NXPH1: variants seen among roughly 807,000 people sequenced by gnomAD.
NXPH1 encodes neurexophilin-1.
Under a neutral mutation model 23.7 loss-of-function variants are expected in NXPH1, and 5 were observed. The observed-to-expected ratio is 0.21, with a 90% confidence interval of 0.11 to 0.44. NXPH1 has a LOEUF of 0.44. Among genes scored for constraint, NXPH1 ranks in the 20% least tolerant of loss-of-function variants. The pLI, the probability that NXPH1 is intolerant of heterozygous loss-of-function variation, is 0.99. For missense variants in NXPH1, 324 were observed against 321.6 expected (o/e 1.01, Z -0.06); for synonymous variants, 144 against 122.2 (o/e 1.18, Z -1.18).
chr7:8,682,545 G>C (rs989191758), intron 2 of NXPH1, among the ~76,000 whole-genome samples: 1 of 152,102 alleles, frequency 6.6e-6, no homozygotes, highest in Non-Finnish European at 1.5e-5. Context: ...ACAAATAAGA[G>C]GCAAGACTTT....
chr7:8,714,391 G>T (rs1025569233), intron 2 of NXPH1, among the ~76,000 whole-genome samples: 3 of 151,998 alleles, frequency 2.0e-5, no homozygotes, highest in African/African-American at 7.2e-5. Flanking sequence ...AAGAGCCAAG[G>T]CCTGGAACTG....
chr7:8,562,641 C>T (rs1301032041), intron 2 of NXPH1, among the ~76,000 whole-genome samples: 1 of 151,232 alleles, frequency 6.6e-6, no homozygotes, highest in Admixed American at 6.6e-5. Context: ...TAAAATAAAT[C>T]TAAAAATAAA....
At chr7:8,546,908 C>A (rs1476596086) in intron 2 of NXPH1, among the ~76,000 whole-genome samples, 1 of 151,422 alleles carries the variant, frequency 6.6e-6, no homozygotes, top group Non-Finnish European at 1.5e-5. Context: ...CTCTTTGACC[C>A]TCAAATACTT....
At chr7:8,542,103 C>T (rs1323320835) in intron 2 of NXPH1, among the ~76,000 whole-genome samples, 1 of 150,944 alleles carries the variant, frequency 6.6e-6, no homozygotes, top group East Asian at 1.9e-4. Context: ...CTATATGTGG[C>T]TTGGGAGAAA....
chr7:8,586,817 G>C (rs757891074), intron 2 of NXPH1, among the ~76,000 whole-genome samples: 2 of 151,954 alleles, frequency 1.3e-5, no homozygotes, highest in Non-Finnish European at 2.9e-5. Context: ...TGATAATGTG[G>C]AGTAAGGTAT....
chr7:8,635,710 C>T (rs966095273), intron 2 of NXPH1, among the ~76,000 whole-genome samples: 8 of 152,204 alleles, frequency 5.3e-5, no homozygotes, highest in African/African-American at 1.4e-4. Context: ...CTATAGAAAT[C>T]GTATTTTATT....
chr7:8,662,899 T>C (rs989734434), intron 2 of NXPH1, among the ~76,000 whole-genome samples: 8 of 151,148 alleles, frequency 5.3e-5, no homozygotes, highest in African/African-American at 2.0e-4. Context: ...AGGTTATGCA[T>C]TTTTTAACAA....
chr7:8,543,263 C>T (rs796266822), intron 2 of NXPH1, among the ~76,000 whole-genome samples: 24 of 151,706 alleles, frequency 1.6e-4, no homozygotes, highest in African/African-American at 5.8e-4. Context: ...TATATTAATA[C>T]CTTTTCCTTC....
At chr7:8,642,506 C>G (rs568094663) in intron 2 of NXPH1, among the ~76,000 whole-genome samples, 2 of 152,024 alleles carry the variant, frequency 1.3e-5, no homozygotes, top group East Asian at 3.9e-4. Context: ...TAAGCAGTTC[C>G]CTCTGAGATT....
At chr7:8,575,227 G>C (rs1818729404) in intron 2 of NXPH1, among the ~76,000 whole-genome samples, 1 of 152,106 alleles carries the variant, frequency 6.6e-6, no homozygotes, top group African/African-American at 2.4e-5. Context: ...AATCAGGTCA[G>C]TTCTCTTTAT....
chr7:8,722,266 A>T (rs997334476), intron 2 of NXPH1, among the ~76,000 whole-genome samples: 7 of 152,208 alleles, frequency 4.6e-5, no homozygotes, highest in African/African-American at 1.7e-4. Flanking sequence ...CTGACATTTT[A>T]CTTTTACTTT....
chr7:8,579,820 G>T (rs2128623469), intron 2 of NXPH1, among the ~76,000 whole-genome samples: 1 of 152,320 alleles, frequency 6.6e-6, no homozygotes, highest in East Asian at 1.9e-4. Flanking sequence ...CAGAGACCTT[G>T]AAGGATGGTC....
Position 8,672,128 on chromosome 7 carries a change from C to T in NXPH1, c.55-78880C>T, listed in dbSNP as rs540947926. ...ATAAGAAAATGTGGCACATATACAC[C>T]ATGGAATACTATGCAGCCATAAAAA... is the stretch of plus-strand genomic sequence containing the variant. On this transcript the variant is annotated intron_variant, in intron 2 of 2. Transcript: ENST00000405863. Among the ~76,000 whole-genome samples, 7 of 152,172 alleles carry T rather than the reference C, an allele frequency of 4.6e-5. No homozygotes were observed. In the East Asian group the frequency reaches 7.7e-4, roughly 17 times the overall value.
In NXPH1 at chr7:8,635,602, C is replaced by A. The variant is rs372209615; in HGVS notation, c.55-115406C>A. On this transcript the variant is annotated intron_variant, in intron 2 of 2. Coordinates refer to ENST00000405863, the MANE Select transcript of NXPH1 (RefSeq NM_152745.3). ...AGATATGTTAGATAGAGAACCATCACTCAATTACCTGCCAGAACGTTGGAG... is the reference window on the plus strand; with the variant it reads ...AGATATGTTAGATAGAGAACCATCAATCAATTACCTGCCAGAACGTTGGAG... Among the ~76,000 whole-genome samples, 7 of 152,320 alleles carry A rather than the reference C, an allele frequency of 4.6e-5. No individual in the cohort carries two copies. In the East Asian group the frequency reaches 7.7e-4, roughly 17 times the overall value.
At chr7:8,583,472 G>C (rs1490603702) in intron 2 of NXPH1, among the ~76,000 whole-genome samples, 1 of 152,200 alleles carries the variant, frequency 6.6e-6, no homozygotes, top group African/African-American at 2.4e-5. Flanking sequence ...AGTAAGGTCA[G>C]TGCCTAACAG....
chr7:8,741,461 T>G (rs1203488022), intron 2 of NXPH1, among the ~76,000 whole-genome samples: 1 of 152,086 alleles, frequency 6.6e-6, no homozygotes, highest in African/African-American at 2.4e-5. Context: ...GTAGTTGTAG[T>G]TTTTTGAGGA....
At chr7:8,635,874 A>G (rs1820211551) in intron 2 of NXPH1, among the ~76,000 whole-genome samples, 1 of 152,168 alleles carries the variant, frequency 6.6e-6, no homozygotes, top group Non-Finnish European at 1.5e-5. Flanking sequence ...GCTAACTGGT[A>G]GGGTTTTTAA....
chr7:8,690,059 T>C lies in NXPH1; in HGVS notation c.55-60949T>C, dbSNP rs190510937. Among the ~76,000 whole-genome samples, 107 of 152,288 alleles carry C rather than the reference T, an allele frequency of 7.0e-4. No individual in the cohort carries two copies. In the East Asian group the frequency reaches 0.01, roughly 15 times the overall value. The stretch of plus-strand genomic sequence containing the variant: ...TCTCAGATTCTTTCTTTTCTTATAA[T>C]AGTGTAATGTGAGTATTTTGAGAAA... On this transcript the variant is annotated intron_variant, in intron 2 of 2. Coordinates refer to ENST00000405863, the MANE Select transcript of NXPH1 (RefSeq NM_152745.3).
At chr7:8,630,583 T>G (rs1383065461) in intron 2 of NXPH1, among the ~76,000 whole-genome samples, 5 of 152,178 alleles carry the variant, frequency 3.3e-5, no homozygotes, top group Non-Finnish European at 7.3e-5. Context: ...CATTCAACAT[T>G]CTAAGTTGTC....
Sources: allele counts gnomAD v4.1 joint callset (sites outside exome capture counted in the v4.1 genomes callset), GRCh38; gene constraint gnomAD v4.1.1; transcripts MANE v1.5; gene names NCBI Gene and HGNC (gene_info 2026-07-23, HGNC 2026-07-21).